The following HS6ST3 variants were observed in gnomAD, a reference collection of about 807,000 sequenced individuals.
HS6ST3 encodes heparan sulfate 6-O-sulfotransferase 3.
In HS6ST3, 12 loss-of-function variants were observed where a neutral mutation model predicts 36.7. The ratio of observed to expected loss-of-function variants is 0.33; its 90% CI spans 0.21 to 0.53. HS6ST3 has a LOEUF of 0.53. Ranked by LOEUF, HS6ST3 falls within the 20% of genes least tolerant of loss-of-function variation. The pLI, the probability that HS6ST3 is intolerant of heterozygous loss-of-function variation, is 0.95. For synonymous variants in HS6ST3, 240 were observed against 257.5 expected, an observed-to-expected ratio of 0.93 and a Z score of 0.65; for missense variants, 584 against 640.9, an observed-to-expected ratio of 0.91 and a Z score of 0.96.
At chr13:96,806,921 T>TGGGG (rs1295729271) in intron 1 of HS6ST3, among the ~76,000 whole-genome samples, 4 of 152,204 alleles carry the variant, frequency 2.6e-5, no homozygotes, top group Admixed American at 2.6e-4. Flanking sequence ...TCCTCTTTTA[T>TGGGG]GGCCTTCCCC....
At chr13:96,255,413 T>C (rs1242823357) in intron 1 of HS6ST3, among the ~76,000 whole-genome samples, 1 of 152,232 alleles carries the variant, frequency 6.6e-6, no homozygotes, top group African/African-American at 2.4e-5. Context: ...AAGTATATTA[T>C]ATAGGCCTAG....
At chr13:96,533,899 A>C (rs927692621) in intron 1 of HS6ST3, among the ~76,000 whole-genome samples, 5 of 152,184 alleles carry the variant, frequency 3.3e-5, no homozygotes, top group African/African-American at 9.6e-5. Context: ...CTTTTCCAGA[A>C]GTTTCTGTGA....
Position 96,612,250 on chromosome 13 carries a change from C to G in HS6ST3, c.708-220240C>G, listed in dbSNP as rs80125698. 5.7e-3 allele frequency among the ~76,000 whole-genome samples: 861 copies of G among 152,208 alleles called. 5 individuals are homozygous for G. The highest frequency in any genetic ancestry group is 0.02 in the African/African-American group (813 of 41,524). On this transcript the variant is annotated intron_variant, in intron 1 of 1. Coordinates refer to ENST00000376705, the MANE Select transcript of HS6ST3 (RefSeq NM_153456.4). ...TAGGTCCTGAGAGTAGCAGTTGACTCTCTTGGCCACACCCTTTCTTCACAT... is the reference window on the plus strand; with the variant it reads ...TAGGTCCTGAGAGTAGCAGTTGACTGTCTTGGCCACACCCTTTCTTCACAT...
chr13:96,687,779 C>T (rs972863902), intron 1 of HS6ST3, among the ~76,000 whole-genome samples: 1 of 151,646 alleles, frequency 6.6e-6, no homozygotes, highest in Non-Finnish European at 1.5e-5. Context: ...GGCATACGGA[C>T]AATAGATGGA....
chr13:96,758,755 A>G (rs953636533), intron 1 of HS6ST3, among the ~76,000 whole-genome samples: 10 of 151,818 alleles, frequency 6.6e-5, no homozygotes, highest in Admixed American at 1.3e-4. Context: ...TTCTTAATTT[A>G]TTGAGACTTA....
At chr13:96,673,771 A>T (rs1180690719) in intron 1 of HS6ST3, among the ~76,000 whole-genome samples, 1 of 152,090 alleles carries the variant, frequency 6.6e-6, no homozygotes, top group Non-Finnish European at 1.5e-5. Context: ...AAATGTTATT[A>T]TCTAATTTAG....
chr13:96,670,039 AG>A (rs2056677870), intron 1 of HS6ST3, among the ~76,000 whole-genome samples: 1 of 152,184 alleles, frequency 6.6e-6, no homozygotes, highest in South Asian at 2.1e-4. Flanking sequence ...AATGTAAAAA[AG>A]TGAAGTTAAT....
chr13:96,714,428 G>A (rs1464775554), intron 1 of HS6ST3, among the ~76,000 whole-genome samples: 2 of 152,128 alleles, frequency 1.3e-5, no homozygotes, highest in African/African-American at 4.8e-5. Flanking sequence ...CAAGTAAAGG[G>A]AGAATGAAGC....
intron 1 of HS6ST3, among the ~76,000 whole-genome samples, chr13:96,831,066 C>A (rs1878770105): frequency 6.6e-6 from 1 of 152,176 alleles, no homozygotes; most frequent in South Asian, 2.1e-4. Context: ...CTTCTCAAAT[C>A]ATGGAAAGGA....
chr13:96,127,572 C>T (rs941086220), intron 1 of HS6ST3, among the ~76,000 whole-genome samples: 3 of 152,164 alleles, frequency 2.0e-5, no homozygotes, highest in Non-Finnish European at 4.4e-5. Context: ...GGGGTTGGGA[C>T]CCCTGCTCTA....
At chr13:96,549,109 T>C (rs7330731) in intron 1 of HS6ST3, among the ~76,000 whole-genome samples, 15,837 of 152,160 alleles carry the variant, frequency 0.1, 1,640 homozygotes, top group African/African-American at 0.27. Flanking sequence ...TTAGCTCCCC[T>C]GTTGCCCTTT....
intron 1 of HS6ST3, among the ~76,000 whole-genome samples, chr13:96,700,254 C>G (rs1405424086): frequency 1.3e-5 from 2 of 152,106 alleles, no homozygotes; most frequent in Admixed American, 1.3e-4. Context: ...TGGCAGCAGG[C>G]AAGAGAGAAT....
At chr13:96,463,304 A>G (rs1293536131) in intron 1 of HS6ST3, among the ~76,000 whole-genome samples, 1 of 152,202 alleles carries the variant, frequency 6.6e-6, no homozygotes, top group Non-Finnish European at 1.5e-5. Context: ...TGTAGAGCAC[A>G]CCAAGAACTC....
chr13:96,120,760 G>A (rs1042877542), intron 1 of HS6ST3, among the ~76,000 whole-genome samples: 3 of 152,176 alleles, frequency 2.0e-5, no homozygotes, highest in African/African-American at 2.4e-5. Context: ...AAATTTCTGT[G>A]TATGGAGCTT....
intron 1 of HS6ST3, among the ~76,000 whole-genome samples, chr13:96,288,968 TGA>T (rs2054816763): frequency 6.6e-6 from 1 of 152,038 alleles, no homozygotes; most frequent in East Asian, 1.9e-4. Context: ...ATAAAGAGCC[TGA>T]TTATAAGAGA....
At chr13:96,504,599 ATCAGCT>A in intron 1 of HS6ST3, among the ~76,000 whole-genome samples, 1 of 152,068 alleles carries the variant, frequency 6.6e-6, no homozygotes, top group African/African-American at 2.4e-5. Context: ...AGGGAGAGAA[ATCAGCT>A]ATGGTACAGA....
Position 96,647,627 on chromosome 13 carries a change from T to A in HS6ST3, c.708-184863T>A, listed in dbSNP as rs2056593427. On this transcript the variant is annotated intron_variant, in intron 1 of 1. Transcript: ENST00000376705. The stretch of plus-strand genomic sequence containing the variant: ...GTGTAAGTGTTGAAGTATACAGATG[T>A]CATAATAACTTTTTTGTTAACGGAA... Among the ~76,000 whole-genome samples the A allele has an allele frequency of 2.0e-5, 3 of 152,180 alleles. No homozygotes were observed. In the South Asian group the frequency reaches 6.2e-4, roughly 32 times the overall value.
At chr13:96,568,574 C>T (rs1001632573) in intron 1 of HS6ST3, among the ~76,000 whole-genome samples, 5 of 152,158 alleles carry the variant, frequency 3.3e-5, no homozygotes, top group South Asian at 2.1e-4. Flanking sequence ...TGAATCTTTA[C>T]ATTCAAGTGT....
intron 1 of HS6ST3, among the ~76,000 whole-genome samples, chr13:96,464,947 C>CGTGT (rs71113997): frequency 0.17 from 24,809 of 145,092 alleles, 2,590 homozygotes; most frequent in African/African-American, 0.26. Context: ...CAAGATGCTT[C>CGTGT]GTGTGTGTGT....
Sources: allele counts gnomAD v4.1 joint callset (sites outside exome capture counted in the v4.1 genomes callset), GRCh38; gene constraint gnomAD v4.1.1; transcripts MANE v1.5; gene names NCBI Gene and HGNC (gene_info 2026-07-23, HGNC 2026-07-21).